UBE2E1: variants seen among roughly 807,000 people sequenced by gnomAD.
The protein encoded by UBE2E1 is ubiquitin-conjugating enzyme E2 E1.
Under a neutral mutation model 21.4 loss-of-function variants are expected in UBE2E1, and 6 were observed. The observed-to-expected ratio is 0.28, with a 90% CI of 0.15 to 0.55. The LOEUF is 0.55. UBE2E1 is among the 20% of genes least tolerant of loss of function. The pLI is 0.93. For synonymous variants in UBE2E1, 87 were observed against 82.7 expected (o/e 1.05, Z -0.28); for missense variants, 142 against 236.5 (o/e 0.60, Z 2.62).
chr3:23,807,678 T>C, intron 2 of UBE2E1: 1 of 346,474 alleles, frequency 2.9e-6, no homozygotes, highest in Non-Finnish European at 5.2e-6. Flanking sequence ...TTACTTTTAT[T>C]AGTGACCCCC....
chr3:23,857,053 C>G (rs974599121), intron 3 of UBE2E1, among the ~76,000 whole-genome samples: 2 of 149,852 alleles, frequency 1.3e-5, no homozygotes, highest in Admixed American at 6.6e-5. Context: ...TAATTTTGAG[C>G]CTGGCAGGTC....
chr3:23,888,006 G>A (rs1038385338), intron 4 of UBE2E1, among the ~76,000 whole-genome samples: 1 of 152,068 alleles, frequency 6.6e-6, no homozygotes, highest in Non-Finnish European at 1.5e-5. Context: ...AACCTTTCTC[G>A]AGGTTAAAAA....
In UBE2E1 at chr3:23,875,608, T is replaced by G. The variant is rs114789813; in HGVS notation, c.204-11959T>G. ...ACAGTAGGCACCATTTCCTCAGTGTTGTTGTTACAAGACTTTTGGAGGGCT... is the reference window on the plus strand; with the variant it reads ...ACAGTAGGCACCATTTCCTCAGTGTGGTTGTTACAAGACTTTTGGAGGGCT... On this transcript the variant is annotated intron_variant, in intron 3 of 5. Coordinates refer to ENST00000306627, the MANE Select transcript of UBE2E1 (RefSeq NM_003341.5). Among the ~76,000 whole-genome samples, 1,337 of 152,336 alleles carry G rather than the reference T, an allele frequency of 8.8e-3. 20 individuals carry two copies. The highest frequency in any genetic ancestry group is 0.03 in the African/African-American group (1,249 of 41,578).
intron 3 of UBE2E1, among the ~76,000 whole-genome samples, chr3:23,833,029 G>T (rs1427553785): frequency 6.6e-6 from 1 of 152,128 alleles, no homozygotes; most frequent in African/African-American, 2.4e-5. Flanking sequence ...GTGAGACCCT[G>T]TCTCAAAAAG....
intron 5 of UBE2E1, chr3:23,889,643 G>A: frequency 2.0e-6 from 2 of 985,352 alleles, no homozygotes; most frequent in Non-Finnish European, 2.4e-6. Context: ...GGTTCAGTGA[G>A]CATGTGTCCC....
intron 3 of UBE2E1, among the ~76,000 whole-genome samples, chr3:23,864,101 G>T (rs1700606279): frequency 6.6e-6 from 1 of 152,172 alleles, no homozygotes; most frequent in African/African-American, 2.4e-5. Context: ...TATCTGAAAA[G>T]ATCTCTATTC....
rs924317411 is a variant in UBE2E1 at position 23,887,479 on chromosome 3, A to G, written c.204-88A>G. ...ATCCACACAGTAAACAAAAGAGAGG[A>G]GAGAGGTAATCTTTCCATCTCTTTT... On this transcript the variant is annotated intron_variant, in intron 3 of 5. Transcript: ENST00000306627. This position sits in a 1 kb window ranked among gnomAD's most constrained non-coding sequence, Gnocchi z 4.4. 1.4e-6 allele frequency: 2 copies of G among 1,467,816 alleles called. No homozygotes were observed. The highest frequency in any genetic ancestry group is 1.8e-6 in the Non-Finnish European group (2 of 1,103,724). The allele number at this position is 1,467,816 out of a possible 1,614,324, so 90.9% of individuals were successfully genotyped here. A position where few individuals can be genotyped will look rare whatever the true frequency, so the allele number is the denominator to read the frequency against.
chr3:23,864,063 T>C (rs1278691257), intron 3 of UBE2E1, among the ~76,000 whole-genome samples: 1 of 152,228 alleles, frequency 6.6e-6, no homozygotes, highest in Non-Finnish European at 1.5e-5. Flanking sequence ...AAAGGATTCT[T>C]GGGAGATAAT....
chr3:23,812,644 A>AT, intron 3 of UBE2E1, among the ~76,000 whole-genome samples: 1 of 152,348 alleles, frequency 6.6e-6, no homozygotes, highest in South Asian at 2.1e-4. Context: ...CTCTTAAACT[A>AT]TAGTTTATAA....
chr3:23,846,565 A>T (rs4858549), intron 3 of UBE2E1, among the ~76,000 whole-genome samples: 1 of 151,882 alleles, frequency 6.6e-6, no homozygotes, highest in African/African-American at 2.4e-5. Context: ...GTATGGTGGC[A>T]CATGCCTGTG....
Position 23,810,303 on chromosome 3 carries a change from G to T in UBE2E1, c.153-1157G>T. ...GAGGCCCTAAACTGTCGTATTAATTGATGCTCTAAGTGCCTAGGTAAGCAA... is the reference window on the plus strand; with the variant it reads ...GAGGCCCTAAACTGTCGTATTAATTTATGCTCTAAGTGCCTAGGTAAGCAA... On this transcript the variant is annotated intron_variant, in intron 2 of 5. Transcript: ENST00000306627. The surrounding 1 kb of genome is among the most constrained non-coding windows in gnomAD (Gnocchi z 5.8). The T allele has an allele frequency of 1.3e-6, 1 of 774,792 alleles. No individual in the cohort carries two copies. Among genetic ancestry groups the T allele is most frequent in the South Asian group, 1.6e-5 (1 of 62,686 alleles). 48.0% of individuals were successfully genotyped at this position (774,792 alleles called of 1,614,324 possible).
chr3:23,820,886 T>G (rs1699629683), intron 3 of UBE2E1, among the ~76,000 whole-genome samples: 1 of 152,158 alleles, frequency 6.6e-6, no homozygotes, highest in South Asian at 2.1e-4. Flanking sequence ...CTCTAGTAAA[T>G]TCTACAGAAA....
rs998287466 is a variant in UBE2E1, at chr3:23,812,522, C to A, written c.203+1012C>A. Among the ~76,000 whole-genome samples the A allele has an allele frequency of 6.6e-5, 10 of 152,272 alleles. No homozygotes were observed. The East Asian group carries it at 1.5e-3, about 23-fold the overall frequency. ...TGGAAACTAATTAGTGGATTAAATA[C>A]AAAACTATTGCCGTTTTGGTTACAT... On this transcript the variant is annotated intron_variant, in intron 3 of 5. Transcript: ENST00000306627.
intron 3 of UBE2E1, among the ~76,000 whole-genome samples, chr3:23,815,107 A>G (rs1009944942): frequency 6.6e-6 from 1 of 152,138 alleles, no homozygotes; most frequent in Non-Finnish European, 1.5e-5. Flanking sequence ...CAGGCCCCCA[A>G]GTAGCAGGAA....
intron 3 of UBE2E1, among the ~76,000 whole-genome samples, chr3:23,851,367 C>T (rs1158731944): frequency 2.0e-5 from 3 of 152,060 alleles, no homozygotes; most frequent in Non-Finnish European, 2.9e-5. Flanking sequence ...TTTGGCTATT[C>T]TATGTTCCTT....
chr3:23,866,731 A>C (rs919987987), intron 3 of UBE2E1, among the ~76,000 whole-genome samples: 1 of 152,170 alleles, frequency 6.6e-6, no homozygotes, highest in Non-Finnish European at 1.5e-5. Flanking sequence ...ATTTTCACCT[A>C]ATTGATTTCT....
intron 3 of UBE2E1, among the ~76,000 whole-genome samples, chr3:23,874,515 T>G (rs1360656359): frequency 1.3e-5 from 2 of 152,184 alleles, no homozygotes; most frequent in African/African-American, 4.8e-5. Flanking sequence ...TATGGTAGCA[T>G]AAGCATTGCA....
At chr3:23,828,893 C>A (rs1699808701) in intron 3 of UBE2E1, among the ~76,000 whole-genome samples, 1 of 152,160 alleles carries the variant, frequency 6.6e-6, no homozygotes, top group East Asian at 1.9e-4. Context: ...TGTCCCAGCA[C>A]ACCTAAGGAA....
chr3:23,886,264 T>C (rs997488792), intron 3 of UBE2E1, among the ~76,000 whole-genome samples: 11 of 152,180 alleles, frequency 7.2e-5, no homozygotes, highest in African/African-American at 2.4e-4. Flanking sequence ...CAAAGAGATA[T>C]TAAAGAATTA....
Sources: gnomAD v4.1 joint callset for allele counts (sites outside exome capture counted in the v4.1 genomes callset) on GRCh38, gnomAD v4.1.1 for gene constraint, Gnocchi (gnomAD v3.1) non-coding constraint, MANE v1.5 for transcripts, NCBI Gene and HGNC (gene_info 2026-07-23, HGNC 2026-07-21) for gene names.